Variants in TMC1 observed in about 807,000 individuals in gnomAD.
The protein encoded by TMC1 is transmembrane channel like 1.
A neutral mutation model predicts 105.8 loss-of-function variants in TMC1; 84 were observed. That is an observed-to-expected ratio of 0.79 (90% confidence interval 0.67 to 0.95). The LOEUF is 0.95. Among genes scored for constraint, TMC1 ranks in the 40% least tolerant of loss-of-function variants. The pLI, the probability that TMC1 is intolerant of heterozygous loss-of-function variation, is 0.00. For synonymous variants in TMC1, 315 were observed against 311.5 expected, an observed-to-expected ratio of 1.01 and a Z score of -0.12; for missense variants, 817 against 914.1, an observed-to-expected ratio of 0.89 and a Z score of 1.37.
At position 72,792,029 on chromosome 9, in the gene TMC1, AT is replaced by A; in HGVS notation, c.1371del (p.Phe457LeufsTer5). 1 of 1,614,086 alleles carries A rather than the reference AT, an allele frequency of 6.2e-7. No homozygotes were observed. The highest frequency in any genetic ancestry group is 1.1e-5 in the South Asian group (1 of 91,078). ...CTCTTCTTTTAGGCAATTTATACGTATTTATTCTTGCATTAATGGATGAGAT... is the reference window on the plus strand; with the variant it reads ...CTCTTCTTTTAGGCAATTTATACGTATTATTCTTGCATTAATGGATGAGAT... ...FALLLGNLYV[F>X]ILALMDEINN... On this transcript the variant is annotated frameshift_variant, in exon 16 of 24. Transcript: ENST00000297784. LOFTEE classifies it high-confidence loss of function.
intron 1 of TMC1, among the ~76,000 whole-genome samples, chr9:72,562,687 T>A (rs1349214937): frequency 6.7e-6 from 1 of 149,206 alleles, no homozygotes; most frequent in Non-Finnish European, 1.5e-5. Context: ...GTCAATTAAA[T>A]TTTTTTTAAA....
intron 12 of TMC1, among the ~76,000 whole-genome samples, chr9:72,771,116 C>T (rs892812976): frequency 1.3e-5 from 2 of 152,206 alleles, no homozygotes; most frequent in Non-Finnish European, 2.9e-5. Context: ...AGATACAGGC[C>T]TGTGTGGCCC....
chr9:72,636,353 C>T (rs1825534354), intron 4 of TMC1, among the ~76,000 whole-genome samples: 3 of 152,178 alleles, frequency 2.0e-5, no homozygotes, highest in Admixed American at 6.5e-5. Flanking sequence ...CATCTTGTAT[C>T]TTTCTGTCCC....
chr9:72,676,779 G>A (rs1461720754), intron 5 of TMC1, among the ~76,000 whole-genome samples: 1 of 152,070 alleles, frequency 6.6e-6, no homozygotes, highest in Non-Finnish European at 1.5e-5. Flanking sequence ...AGGCCAGTCA[G>A]GACAAACTCT....
In TMC1 at chr9:72,608,465, G is replaced by A. The variant is rs577283784; in HGVS notation, c.-305-7903G>A. ...CCCACGCCTGTAATCCCAGCACTTTGGGAGGCCGAGGTGGACAGCTCACTT... is the reference window on the plus strand; with the variant it reads ...CCCACGCCTGTAATCCCAGCACTTTAGGAGGCCGAGGTGGACAGCTCACTT... On this transcript the variant is annotated intron_variant, in intron 2 of 23. Coordinates refer to ENST00000297784, the MANE Select transcript of TMC1 (RefSeq NM_138691.3). Among the ~76,000 whole-genome samples, 8 of 152,282 alleles carry A rather than the reference G, an allele frequency of 5.3e-5. No individual in the cohort carries two copies. In the South Asian group the frequency reaches 6.2e-4, roughly 12 times the overall value.
chr9:72,823,141 A>G (rs909108715), intron 20 of TMC1, among the ~76,000 whole-genome samples: 8 of 152,224 alleles, frequency 5.3e-5, no homozygotes, highest in South Asian at 2.1e-4. Flanking sequence ...AATATTTTCA[A>G]TGGAGTACTG....
intron 2 of TMC1, among the ~76,000 whole-genome samples, chr9:72,609,996 TTACACATC>T (rs1203828163): frequency 6.6e-6 from 1 of 152,174 alleles, no homozygotes; most frequent in African/African-American, 2.4e-5. Context: ...TTCATTTTTG[TTACACATC>T]TATTGACTCT....
At chr9:72,828,016 A>C (rs1161930892) in intron 21 of TMC1, among the ~76,000 whole-genome samples, 2 of 152,198 alleles carry the variant, frequency 1.3e-5, no homozygotes, top group Admixed American at 1.3e-4. Flanking sequence ...TGATTTACAC[A>C]AAGAAAGTGA....
At chr9:72,580,148 C>T (rs979205928) in intron 2 of TMC1, among the ~76,000 whole-genome samples, 5 of 152,124 alleles carry the variant, frequency 3.3e-5, no homozygotes, top group African/African-American at 4.8e-5. Flanking sequence ...CCATCTCAGA[C>T]GTACTGAATC....
chr9:72,788,911 A>T (rs1588083962), intron 14 of TMC1, among the ~76,000 whole-genome samples: 1 of 152,062 alleles, frequency 6.6e-6, no homozygotes, highest in African/African-American at 2.4e-5. Context: ...GAGCAATCAC[A>T]GTTTGTTTGC....
Position 72,578,008 on chromosome 9 carries a change from G to C in TMC1, c.-321G>C, listed in dbSNP as rs961877897. The C allele has an allele frequency of 2.0e-5, 3 of 152,196 alleles. No individual in the cohort carries two copies. Among genetic ancestry groups the C allele is most frequent in the Admixed American group, 2.0e-4 (3 of 15,274 alleles). The allele number at this position is 152,196 out of a possible 1,614,324, so 9.4% of individuals were successfully genotyped here. Reference sequence around the variant, plus strand: ...TGATTCTCCTGCCTCGGCCTCCTGAGTAGCTGGGATTTCAGGTATGCCTCA... The same window carrying C: ...TGATTCTCCTGCCTCGGCCTCCTGACTAGCTGGGATTTCAGGTATGCCTCA... On this transcript the variant is annotated 5_prime_UTR_variant, in exon 2 of 24. Transcript: ENST00000297784.
At chr9:72,794,497 A>G (rs1421882460) in intron 17 of TMC1, among the ~76,000 whole-genome samples, 1 of 152,210 alleles carries the variant, frequency 6.6e-6, no homozygotes, top group Non-Finnish European at 1.5e-5. Flanking sequence ...CATTCCCCAA[A>G]GCATCAACAC....
intron 2 of TMC1, among the ~76,000 whole-genome samples, chr9:72,588,490 G>A (rs1824587469): frequency 6.6e-6 from 1 of 152,132 alleles, no homozygotes; most frequent in South Asian, 2.1e-4. Flanking sequence ...CTCAGCTGTG[G>A]CTGTCAGCTT....
intron 4 of TMC1, among the ~76,000 whole-genome samples, chr9:72,630,551 A>G (rs1457533217): frequency 6.6e-6 from 1 of 152,222 alleles, no homozygotes; most frequent in Non-Finnish European, 1.5e-5. Flanking sequence ...GCTATGGTAC[A>G]TCACTTTGAT....
At chr9:72,539,399 C>G (rs752714998) in intron 1 of TMC1, among the ~76,000 whole-genome samples, 1 of 152,024 alleles carries the variant, frequency 6.6e-6, no homozygotes, top group African/African-American at 2.4e-5. Context: ...GAGCAAGATC[C>G]TGTCTCAAAA....
At chr9:72,605,635 G>T (rs1824899441) in intron 2 of TMC1, among the ~76,000 whole-genome samples, 1 of 150,014 alleles carries the variant, frequency 6.7e-6, no homozygotes, top group African/African-American at 2.5e-5. Flanking sequence ...GAGTGCAGTG[G>T]TGCAATCTTG....
intron 1 of TMC1, among the ~76,000 whole-genome samples, chr9:72,576,609 T>C (rs1345427997): frequency 6.8e-6 from 1 of 146,816 alleles, no homozygotes; most frequent in Admixed American, 6.9e-5. Flanking sequence ...CTCCCTGGAC[T>C]CCCAATTTCT....
intron 2 of TMC1, among the ~76,000 whole-genome samples, chr9:72,593,429 G>A (rs1184064675): frequency 6.6e-6 from 1 of 150,730 alleles, no homozygotes; most frequent in Non-Finnish European, 1.5e-5. Context: ...ACAGAGTGTT[G>A]CTCCTTTTGC....
At chr9:72,585,121 T>C (rs1294197723) in intron 2 of TMC1, among the ~76,000 whole-genome samples, 1 of 150,542 alleles carries the variant, frequency 6.6e-6, no homozygotes, top group African/African-American at 2.4e-5. Context: ...GGGGCTTCTC[T>C]TACTCCTGTC....
Sources: allele counts gnomAD v4.1 joint callset (sites outside exome capture counted in the v4.1 genomes callset), GRCh38; gene constraint gnomAD v4.1.1; transcripts MANE v1.5; gene names NCBI Gene and HGNC (gene_info 2026-07-23, HGNC 2026-07-21).